The following CCNT2 variants were observed in gnomAD, a reference collection of about 807,000 sequenced individuals.
The protein encoded by CCNT2 is cyclin-T2.
Under a neutral mutation model 70.0 loss-of-function variants are expected in CCNT2, and 18 were observed. The observed-to-expected ratio is 0.26, with a 90% CI of 0.18 to 0.38. The LOEUF is 0.38. Ranked by LOEUF, CCNT2 falls within the 10% of genes least tolerant of loss-of-function variation. The pLI is 1.00. For missense variants in CCNT2, 734 were observed against 890.2 expected (o/e 0.82, Z 2.23); for synonymous variants, 334 against 313.3 (o/e 1.07, Z -0.70).
intron 4 of CCNT2, 22 bp from the exon 5 acceptor site, chr2:134,942,590 A>G: frequency 6.2e-7 from 1 of 1,601,940 alleles, no homozygotes. Flanking sequence ...GAGATTGGAA[A>G]AAAAAGTGCT....
chr2:134,952,035 G>A (rs917409639), intron 7 of CCNT2, among the ~76,000 whole-genome samples: 1 of 152,000 alleles, frequency 6.6e-6, no homozygotes, highest in Non-Finnish European at 1.5e-5. Flanking sequence ...TTATTATGTC[G>A]AAGTTATCCA....
intron 2 of CCNT2, among the ~76,000 whole-genome samples, chr2:134,933,395 G>A (rs551283410): frequency 6.6e-6 from 1 of 152,218 alleles, no homozygotes; most frequent in African/African-American, 2.4e-5. Flanking sequence ...CCTTGCCTCC[G>A]CTATCAAGGT....
At chr2:134,920,067 G>T (rs1679775411) in intron 2 of CCNT2, 176 bp downstream of exon 2, 1 of 529,626 alleles carries the variant, frequency 1.9e-6, no homozygotes, top group Non-Finnish European at 3.3e-6. Flanking sequence ...AATTTATGAT[G>T]AATTAAACTG....
intron 3 of CCNT2, among the ~76,000 whole-genome samples, chr2:134,937,682 G>A (rs960248254): frequency 6.6e-6 from 1 of 152,166 alleles, no homozygotes; most frequent in Non-Finnish European, 1.5e-5. Flanking sequence ...TTGGGAGGCC[G>A]AGGCAGGCGG....
At position 134,958,479 on chromosome 2, in the gene CCNT2, C is replaced by G. The variant is rs1401670565; in HGVS notation, c.*3831C>G. The G allele has an allele frequency of 6.6e-6, 1 of 152,182 alleles. No homozygotes were observed. Among genetic ancestry groups the G allele is most frequent in the Non-Finnish European group, 1.5e-5 (1 of 68,022 alleles). 9.4% of individuals were successfully genotyped at this position (152,182 alleles called of 1,614,324 possible). ...AGTTGACAGGACAATAGGTGCTAAT[C>G]TCATGTGCCCTAAGATGGACTTATT... is the stretch of plus-strand genomic sequence containing the variant. On this transcript the variant is annotated 3_prime_UTR_variant, in exon 9 of 9. Transcript: ENST00000264157.
At chr2:134,920,411 G>C (rs1468020299) in intron 2 of CCNT2, 1 of 152,252 alleles carries the variant, frequency 6.6e-6, no homozygotes, top group Non-Finnish European at 1.5e-5. Context: ...GTTAGCATCA[G>C]TTGTCTCCTA....
chr2:134,957,545 T>C lies in CCNT2; in HGVS notation c.*2897T>C, dbSNP rs1157849960. On this transcript the variant is annotated 3_prime_UTR_variant, in exon 9 of 9. Transcript: ENST00000264157. ...CAATATTGAGCTGTGTCCCTCTGAA[T>C]ATTTGCCTTAGCTATTTCAAAATAG... 6.6e-6 allele frequency: 1 copy of C among 152,078 alleles called. No homozygotes were observed. Among genetic ancestry groups the C allele is most frequent in the Non-Finnish European group, 1.5e-5 (1 of 68,002 alleles). The allele number at this position is 152,078 out of a possible 1,614,324, so 9.4% of individuals were successfully genotyped here.
At chr2:134,949,631 G>A (rs1682286896) in intron 7 of CCNT2, among the ~76,000 whole-genome samples, 1 of 152,086 alleles carries the variant, frequency 6.6e-6, no homozygotes, top group Admixed American at 6.5e-5. Flanking sequence ...TAAATTGTTA[G>A]AGGCTTTTTC....
At chr2:134,939,454 TTTTATTTATTTA>T (rs1030830002) in intron 4 of CCNT2, among the ~76,000 whole-genome samples, 3 of 151,682 alleles carry the variant, frequency 2.0e-5, no homozygotes, top group East Asian at 1.9e-4. Context: ...ACCTTTTTTA[TTTTATTTATTTA>T]TTTATTTATT....
rs141745565 is a variant in CCNT2, at chr2:134,952,141, C to G, written c.704-500C>G. 2.2e-3 allele frequency among the ~76,000 whole-genome samples: 334 copies of G among 152,292 alleles called. 3 individuals are homozygous for G. The highest frequency in any genetic ancestry group is 0.019 in the Admixed American group (290 of 15,304). On this transcript the variant is annotated intron_variant, in intron 7 of 8. Coordinates refer to ENST00000264157, the MANE Select transcript of CCNT2 (RefSeq NM_058241.3). ...TGATACGTCTTATAACTGGTCATGA[C>G]AACCGTGATCACTTGGTTACAGTGG...
chr2:134,942,739 G>A, intron 5 of CCNT2, 65 bp downstream of exon 5: 2 of 1,448,028 alleles, frequency 1.4e-6, no homozygotes, highest in Non-Finnish European at 1.9e-6. Context: ...ATTGATTTGG[G>A]TGCTATTTTG....
chr2:134,940,146 A>G (rs1048447021), intron 4 of CCNT2, among the ~76,000 whole-genome samples: 1 of 152,214 alleles, frequency 6.6e-6, no homozygotes, highest in South Asian at 2.1e-4. Flanking sequence ...GTTGAATAGA[A>G]GTGCGATAAA....
At chr2:134,941,998 C>T (rs1489298501) in intron 4 of CCNT2, among the ~76,000 whole-genome samples, 10 of 152,082 alleles carry the variant, frequency 6.6e-5, no homozygotes, top group Non-Finnish European at 1.3e-4. Context: ...AAAACAGAAA[C>T]CCTGCCACAC....
rs1449085853 is a variant in CCNT2, at chr2:134,957,842, C to T, written c.*3194C>T. On this transcript the variant is annotated 3_prime_UTR_variant, in exon 9 of 9. Transcript: ENST00000264157. ...AAATTTCTAACATGATGTATGGTTTCTTGAATGTCATGAGTGGCTGCGTAT... is the reference window on the plus strand; with the variant it reads ...AAATTTCTAACATGATGTATGGTTTTTTGAATGTCATGAGTGGCTGCGTAT... 4 of 152,168 alleles carry T rather than the reference C, an allele frequency of 2.6e-5. No homozygotes were observed. The highest frequency in any genetic ancestry group is 9.7e-5 in the African/African-American group (4 of 41,428). 9.4% of individuals were successfully genotyped at this position (152,168 alleles called of 1,614,324 possible). A position where few individuals can be genotyped will look rare whatever the true frequency, so the allele number is the denominator to read the frequency against.
At chr2:134,949,149 G>A (rs1682241620) in intron 7 of CCNT2, among the ~76,000 whole-genome samples, 1 of 152,030 alleles carries the variant, frequency 6.6e-6, no homozygotes, top group Admixed American at 6.6e-5. Flanking sequence ...GCCTCCTGAG[G>A]AGCTGGGACC....
chr2:134,925,056 C>G lies in CCNT2; in HGVS notation c.240+5165C>G, dbSNP rs1156441231. Among the ~76,000 whole-genome samples the G allele has an allele frequency of 2.0e-5, 3 of 152,194 alleles. No individual in the cohort carries two copies. In the East Asian group the frequency reaches 5.8e-4, roughly 29 times the overall value. ...TTAGATCCAGAAACTTAATCAGACT[C>G]CTGTTAGATCCCTTAGGCAAGGCTA... On this transcript the variant is annotated intron_variant, in intron 2 of 8. Coordinates refer to ENST00000264157, the MANE Select transcript of CCNT2 (RefSeq NM_058241.3).
intron 2 of CCNT2, among the ~76,000 whole-genome samples, chr2:134,932,297 G>A (rs1421302067): frequency 3.3e-5 from 5 of 152,038 alleles, no homozygotes; most frequent in African/African-American, 7.2e-5. Flanking sequence ...CACCACGCTC[G>A]GCTGATATTT....
At chr2:134,933,027 C>T (rs958227592) in intron 2 of CCNT2, among the ~76,000 whole-genome samples, 1 of 152,046 alleles carries the variant, frequency 6.6e-6, no homozygotes, top group Non-Finnish European at 1.5e-5. Context: ...TAGTGTTAGT[C>T]AGGGATTGGA....
intron 2 of CCNT2, among the ~76,000 whole-genome samples, chr2:134,931,866 C>T (rs1680796670): frequency 6.6e-6 from 1 of 152,044 alleles, no homozygotes; most frequent in Non-Finnish European, 1.5e-5. Flanking sequence ...TCCCAGGTAG[C>T]TGGGACTTAG....
Sources: allele counts gnomAD v4.1 joint callset (sites outside exome capture counted in the v4.1 genomes callset), GRCh38; gene constraint gnomAD v4.1.1; transcripts MANE v1.5; gene names NCBI Gene and HGNC (gene_info 2026-07-23, HGNC 2026-07-21).